The following TMEM67 variants were observed in gnomAD, a reference collection of about 807,000 sequenced individuals.
The protein encoded by TMEM67 is meckelin.
A neutral mutation model predicts 136.6 loss-of-function variants in TMEM67; 124 were observed. That is an observed-to-expected ratio of 0.91 (90% CI 0.78 to 1.05). TMEM67 has a LOEUF of 1.05. Among genes scored for constraint, TMEM67 ranks in the 50% least tolerant of loss-of-function variants. The pLI is 0.00. For synonymous variants in TMEM67, 364 were observed against 390.5 expected, an observed-to-expected ratio of 0.93 and a Z score of 0.80; for missense variants, 1,107 against 1,178.4, an observed-to-expected ratio of 0.94 and a Z score of 0.89.
chr8:93,780,869 T>G lies in TMEM67; in HGVS notation c.870-5T>G. The G allele has an allele frequency of 6.2e-7, 1 of 1,609,036 alleles. No homozygotes were observed. Among genetic ancestry groups the G allele is most frequent in the South Asian group, 1.1e-5 (1 of 90,902 alleles). On this transcript the variant is annotated splice_polypyrimidine_tract_variant and splice_region_variant and intron_variant, in intron 8 of 27. Transcript: ENST00000453321. ...CATTATTAAAACAGTTGTAACTGTT[T>G]ATAGGAGACAGAATCTTCCTTGGCT...
intron 26 of TMEM67, among the ~76,000 whole-genome samples, chr8:93,813,218 G>A (rs1229004376): frequency 1.3e-5 from 2 of 151,260 alleles, no homozygotes; most frequent in East Asian, 2.0e-4. Context: ...TCGCTCTGTT[G>A]TCTAGGCTGG....
chr8:93,809,779 T>A lies in TMEM67; in HGVS notation c.2662-6T>A, dbSNP rs1352699632. On this transcript the variant is annotated splice_polypyrimidine_tract_variant and splice_region_variant and intron_variant, in intron 25 of 27. Coordinates refer to ENST00000453321, the MANE Select transcript of TMEM67 (RefSeq NM_153704.6). Reference sequence around the variant, plus strand: ...TGTGAAATGATGCTGTCTTTTTCTTTATTAGGTTCATAAGGAAATGGATTA... The same window carrying A: ...TGTGAAATGATGCTGTCTTTTTCTTAATTAGGTTCATAAGGAAATGGATTA... 2.0e-6 allele frequency: 3 copies of A among 1,485,478 alleles called. No homozygotes were observed. The Admixed American group carries it at 5.0e-5, about 25-fold the overall frequency. The allele number at this position is 1,485,478 out of a possible 1,614,324, so 92.0% of individuals were successfully genotyped here.
At chr8:93,762,009 C>G (rs1186929965) in intron 3 of TMEM67, 1 of 152,142 alleles carries the variant, frequency 6.6e-6, no homozygotes, top group Admixed American at 6.5e-5. Context: ...AATCGCAGCA[C>G]TTTGGGAAGC....
chr8:93,781,756 T>A lies in TMEM67; in HGVS notation c.1065+12T>A, dbSNP rs1292614487. The A allele has an allele frequency of 2.6e-6, 4 of 1,528,554 alleles. No individual in the cohort carries two copies. The highest frequency in any genetic ancestry group is 1.7e-4 in the Middle Eastern group (1 of 5,862). The allele number at this position is 1,528,554 out of a possible 1,614,324, so 94.7% of individuals were successfully genotyped here. A position where few individuals can be genotyped will look rare whatever the true frequency, so the allele number is the denominator to read the frequency against. On this transcript the variant is annotated intron_variant, in intron 10 of 27. Coordinates refer to ENST00000453321, the MANE Select transcript of TMEM67 (RefSeq NM_153704.6). ...GAGGTGTTTTACAGGTAAGCATGAT[T>A]CTAGTTAAAGAATTAATAACATGCA...
At chr8:93,789,992 C>T (rs1056553728) in intron 14 of TMEM67, among the ~76,000 whole-genome samples, 4 of 151,868 alleles carry the variant, frequency 2.6e-5, no homozygotes, top group Non-Finnish European at 4.4e-5. Context: ...GCAGGAGAAT[C>T]GCTTGAACCT....
At chr8:93,809,538 A>G (rs1306804221) in intron 25 of TMEM67, among the ~76,000 whole-genome samples, 2 of 152,174 alleles carry the variant, frequency 1.3e-5, no homozygotes, top group Non-Finnish European at 2.9e-5. Context: ...TGTATTTCTA[A>G]AAAGCATTTT....
At chr8:93,789,037 T>G (rs1443158684) in intron 14 of TMEM67, among the ~76,000 whole-genome samples, 1 of 152,228 alleles carries the variant, frequency 6.6e-6, no homozygotes, top group Admixed American at 6.5e-5. Context: ...TCCTAGAGAT[T>G]AAGTGGCTAT....
intron 24 of TMEM67, 26 bp from the exon 25 acceptor site, chr8:93,809,031 G>C: frequency 6.5e-7 from 1 of 1,546,312 alleles, no homozygotes; most frequent in Non-Finnish European, 8.9e-7. Context: ...ATAACACTTT[G>C]TATTCATTTC....
chr8:93,763,228 C>A (rs951363820), intron 3 of TMEM67, among the ~76,000 whole-genome samples: 1 of 152,180 alleles, frequency 6.6e-6, no homozygotes, highest in Admixed American at 6.5e-5. Context: ...CCTCACCTGG[C>A]CTTACCTGAT....
At chr8:93,775,449 T>A (rs190426470) in intron 7 of TMEM67, among the ~76,000 whole-genome samples, 142 of 152,318 alleles carry the variant, frequency 9.3e-4, no homozygotes, top group Non-Finnish European at 1.6e-3. Context: ...CTGAATGGTA[T>A]TGCCTAGGTT....
At chr8:93,812,982 C>T (rs1257391800) in intron 26 of TMEM67, among the ~76,000 whole-genome samples, 1 of 151,914 alleles carries the variant, frequency 6.6e-6, no homozygotes. Flanking sequence ...GTGATCCACC[C>T]GCCTCAGCCT....
upstream of TMEM67, chr8:93,754,880 G>T (rs765696955): frequency 6.3e-7 from 1 of 1,592,844 alleles, no homozygotes; most frequent in Admixed American, 1.7e-5. Flanking sequence ...GGCTGATGGG[G>T]GGCTGGAGGC....
the TMEM67 span, among the ~76,000 whole-genome samples, chr8:93,826,967 T>C: frequency 1.3e-5 from 2 of 152,224 alleles, no homozygotes. Context: ...GTAGCTGAGA[T>C]TACAGGCACG....
At chr8:93,808,765 A>G in intron 23 of TMEM67, 75 bp from the exon 24 acceptor site, 1 of 900,082 alleles carries the variant, frequency 1.1e-6, no homozygotes, top group South Asian at 1.3e-5. Context: ...AGCTAAAAAA[A>G]AGTTCTGTAT....
chr8:93,804,330 T>C (rs1815013198), intron 22 of TMEM67, among the ~76,000 whole-genome samples: 2 of 143,640 alleles, frequency 1.4e-5, no homozygotes, highest in Admixed American at 1.4e-4. Flanking sequence ...TTTTTTTTTT[T>C]TTGAGAAAAG....
At chr8:93,773,049 A>G (rs1014406272) in intron 7 of TMEM67, among the ~76,000 whole-genome samples, 8 of 152,184 alleles carry the variant, frequency 5.3e-5, no homozygotes, top group African/African-American at 1.9e-4. Context: ...AATAGTTAAG[A>G]GTAAAGTACA....
chr8:93,813,785 G>T (rs1808792714), intron 26 of TMEM67, among the ~76,000 whole-genome samples: 1 of 152,118 alleles, frequency 6.6e-6, no homozygotes, highest in Admixed American at 6.5e-5. Flanking sequence ...CAGGTTGTAG[G>T]AGAAAGTAGA....
intron 26 of TMEM67, among the ~76,000 whole-genome samples, chr8:93,812,924 C>CG (rs397892669): frequency 6.6e-6 from 1 of 151,078 alleles, no homozygotes; most frequent in Non-Finnish European, 1.5e-5. Context: ...TTAGTAGAGG[C>CG]GGGGTTTCAC....
chr8:93,796,025 C>T, intron 18 of TMEM67, 38 bp downstream of exon 18: 1 of 1,294,416 alleles, frequency 7.7e-7, no homozygotes, highest in Non-Finnish European at 1.1e-6. Context: ...TTTAAAAGGC[C>T]TGCTAATGAA....
Sources: gnomAD v4.1 joint callset for allele counts (sites outside exome capture counted in the v4.1 genomes callset) on GRCh38, gnomAD v4.1.1 for gene constraint, MANE v1.5 for transcripts, NCBI Gene and HGNC (gene_info 2026-07-23, HGNC 2026-07-21) for gene names.